TTLL5: variants seen among roughly 807,000 people sequenced by gnomAD.
The protein encoded by TTLL5 is tubulin polyglutamylase TTLL5.
In TTLL5, 132 loss-of-function variants were observed where a neutral mutation model predicts 168.4. The ratio of observed to expected loss-of-function variants is 0.78; its 90% confidence interval spans 0.68 to 0.91. TTLL5 has a LOEUF of 0.91. Among genes scored for constraint, TTLL5 ranks in the 40% least tolerant of loss-of-function variants. TTLL5 has a pLI of 0.00. For synonymous variants in TTLL5, 546 were observed against 558.6 expected (o/e 0.98, Z 0.32); for missense variants, 1,545 against 1,581.5 (o/e 0.98, Z 0.39).
At chr14:75,671,713 C>T (rs1883766812) in intron 3 of TTLL5, among the ~76,000 whole-genome samples, 1 of 152,068 alleles carries the variant, frequency 6.6e-6, no homozygotes, top group Non-Finnish European at 1.5e-5. Flanking sequence ...TAGAAATACA[C>T]CTGAGTTCTG....
chr14:75,821,213 C>T (rs753049049), intron 28 of TTLL5, among the ~76,000 whole-genome samples: 1 of 152,144 alleles, frequency 6.6e-6, no homozygotes, highest in Non-Finnish European at 1.5e-5. Flanking sequence ...CATCATCCTG[C>T]GGTACGGTGT....
At chr14:75,845,438 T>A (rs1262068974) in intron 28 of TTLL5, among the ~76,000 whole-genome samples, 2 of 152,198 alleles carry the variant, frequency 1.3e-5, no homozygotes, top group Non-Finnish European at 2.9e-5. Flanking sequence ...GTAGTCAGCA[T>A]GTTTTTAATT....
chr14:75,909,057 C>T (rs545260573), intron 31 of TTLL5, among the ~76,000 whole-genome samples: 1 of 152,056 alleles, frequency 6.6e-6, no homozygotes, highest in Admixed American at 6.5e-5. Context: ...GTATTACAGG[C>T]GTGAACCACC....
chr14:75,779,003 G>A (rs1053871363), intron 23 of TTLL5, among the ~76,000 whole-genome samples: 26 of 152,232 alleles, frequency 1.7e-4, no homozygotes, highest in African/African-American at 6.3e-4. Context: ...TTATCTAGAA[G>A]TGAGCTGAAC....
At chr14:75,933,017 C>T (rs1213891685) in intron 31 of TTLL5, among the ~76,000 whole-genome samples, 1 of 152,146 alleles carries the variant, frequency 6.6e-6, no homozygotes, top group Non-Finnish European at 1.5e-5. Flanking sequence ...GACTTTAGCC[C>T]CAATTCAGAG....
At chr14:75,780,454 C>T (rs918600143) in intron 24 of TTLL5, among the ~76,000 whole-genome samples, 6 of 151,968 alleles carry the variant, frequency 3.9e-5, no homozygotes, top group East Asian at 3.8e-4. Flanking sequence ...GTCTAGCTCA[C>T]GTCACCATGA....
chr14:75,788,249 TAA>T (rs1892494643), intron 26 of TTLL5, among the ~76,000 whole-genome samples: 1 of 151,980 alleles, frequency 6.6e-6, no homozygotes, highest in Admixed American at 6.6e-5. Context: ...TAAATCTAAA[TAA>T]AGGATAAAGA....
chr14:75,764,659 A>G lies in TTLL5; in HGVS notation c.1595A>G (p.Asn532Ser), dbSNP rs1890853260. The G allele has an allele frequency of 6.2e-7, 1 of 1,614,046 alleles. No homozygotes were observed. Among genetic ancestry groups the G allele is most frequent in the African/African-American group, 1.3e-5 (1 of 74,936 alleles). Residue 532 changes from asparagine (N) to serine (S), a missense_variant, in exon 19 of 32, where the codon AAT becomes AGT. Physicochemically the swap from Asn to Ser is conservative, Grantham distance 46. Coordinates refer to ENST00000298832, the MANE Select transcript of TTLL5 (RefSeq NM_015072.5). ...CCAGAATTGAAGATAGAGAGTCTGAATTCAAAGGCCAAGCTGCATGCTGCA... is the reference window on the plus strand; with the variant it reads ...CCAGAATTGAAGATAGAGAGTCTGAGTTCAAAGGCCAAGCTGCATGCTGCA... ...GAPELKIESL[N>S]SKAKLHAALY...
chr14:75,927,859 A>G (rs2140158872), intron 31 of TTLL5, among the ~76,000 whole-genome samples: 1 of 152,284 alleles, frequency 6.6e-6, no homozygotes, highest in South Asian at 2.1e-4. Flanking sequence ...TCATGCTTCA[A>G]ATCCACGAAA....
At chr14:75,845,525 A>G (rs1483131043) in intron 28 of TTLL5, among the ~76,000 whole-genome samples, 1 of 152,192 alleles carries the variant, frequency 6.6e-6, no homozygotes, top group Non-Finnish European at 1.5e-5. Flanking sequence ...CTTATTTTGA[A>G]ATAAGAATCT....
chr14:75,745,645 T>C (rs917016367), intron 17 of TTLL5, 64 bp downstream of exon 17: 2 of 1,326,676 alleles, frequency 1.5e-6, no homozygotes, highest in Non-Finnish European at 2.2e-6. Context: ...TTAATTGTGA[T>C]ACACTGTCAT....
At chr14:75,777,614 G>A (rs1891791504) in intron 23 of TTLL5, among the ~76,000 whole-genome samples, 1 of 152,066 alleles carries the variant, frequency 6.6e-6, no homozygotes, top group African/African-American at 2.4e-5. Context: ...TCTAAATAGA[G>A]AGATGTGCAA....
intron 29 of TTLL5, among the ~76,000 whole-genome samples, chr14:75,871,313 C>G (rs759043958): frequency 8.5e-5 from 13 of 152,134 alleles, no homozygotes; most frequent in African/African-American, 2.7e-4. Flanking sequence ...AGTCTTATCT[C>G]CATTCCACTG....
intron 28 of TTLL5, among the ~76,000 whole-genome samples, chr14:75,851,219 T>C (rs1040042817): frequency 6.6e-6 from 1 of 151,926 alleles, no homozygotes; most frequent in African/African-American, 2.4e-5. Flanking sequence ...GAGTATGGAC[T>C]CATTCTGTTT....
At chr14:75,753,540 G>A (rs1001692110) in intron 18 of TTLL5, among the ~76,000 whole-genome samples, 7 of 152,218 alleles carry the variant, frequency 4.6e-5, no homozygotes, top group African/African-American at 1.4e-4. Flanking sequence ...ATCAAAATAA[G>A]GCACCCTAGT....
At chr14:75,730,686 A>G in intron 12 of TTLL5, among the ~76,000 whole-genome samples, 1 of 152,080 alleles carries the variant, frequency 6.6e-6, no homozygotes, top group Non-Finnish European at 1.5e-5. Flanking sequence ...TGATTTCCCC[A>G]AGTTCCACAG....
At chr14:75,788,074 G>A (rs990646758) in intron 26 of TTLL5, among the ~76,000 whole-genome samples, 2 of 152,002 alleles carry the variant, frequency 1.3e-5, no homozygotes, top group Non-Finnish European at 2.9e-5. Context: ...TTGCTTGAGC[G>A]CAGGAGTTCG....
chr14:75,743,828 A>G (rs535055405), intron 15 of TTLL5, among the ~76,000 whole-genome samples: 10 of 151,802 alleles, frequency 6.6e-5, no homozygotes, highest in East Asian at 3.9e-4. Context: ...TGATCTGCCC[A>G]CCTTGGCCTC....
intron 2 of TTLL5, among the ~76,000 whole-genome samples, chr14:75,665,234 T>C (rs889602289): frequency 6.6e-6 from 1 of 152,236 alleles, no homozygotes; most frequent in African/African-American, 2.4e-5. Flanking sequence ...ATACATTAAA[T>C]AATAAGATCA....
Sources: allele counts gnomAD v4.1 joint callset (sites outside exome capture counted in the v4.1 genomes callset), GRCh38; gene constraint gnomAD v4.1.1; transcripts MANE v1.5; gene names NCBI Gene and HGNC (gene_info 2026-07-23, HGNC 2026-07-21).